SCFD2: variants seen among roughly 807,000 people sequenced by gnomAD.
The protein encoded by SCFD2 is sec1 family domain containing 2, also known as sec1 family domain-containing protein 2.
Under a neutral mutation model 58.9 loss-of-function variants are expected in SCFD2, and 54 were observed. The ratio of observed to expected loss-of-function variants is 0.92; its 90% CI spans 0.74 to 1.15. The LOEUF is 1.15. Among genes scored for constraint, SCFD2 ranks in the 50% most tolerant of loss-of-function variants. The probability of loss-of-function intolerance (pLI) is 0.00; values close to 1 mark genes in which losing one functional copy is unlikely to be tolerated. For synonymous variants in SCFD2, 321 were observed against 335.9 expected, an observed-to-expected ratio of 0.96 and a Z score of 0.49; for missense variants, 805 against 836.6, an observed-to-expected ratio of 0.96 and a Z score of 0.47.
At chr4:53,357,762 T>G (rs1734441883) in intron 1 of SCFD2, among the ~76,000 whole-genome samples, 1 of 152,202 alleles carries the variant, frequency 6.6e-6, no homozygotes, top group Non-Finnish European at 1.5e-5. Flanking sequence ...TTCTGAGCAC[T>G]AAAGCAGCAC....
At chr4:53,055,012 T>C (rs954169434) in intron 5 of SCFD2, among the ~76,000 whole-genome samples, 6 of 152,080 alleles carry the variant, frequency 3.9e-5, no homozygotes, top group Non-Finnish European at 8.8e-5. Context: ...ATAACAATAA[T>C]GAAGGAGTTT....
chr4:52,945,486 T>C (rs576593621), intron 5 of SCFD2, among the ~76,000 whole-genome samples: 11 of 152,332 alleles, frequency 7.2e-5, no homozygotes, highest in African/African-American at 2.6e-4. Context: ...ATCCTTGTCA[T>C]GGCAATGAGT....
intron 4 of SCFD2, among the ~76,000 whole-genome samples, chr4:53,187,467 C>T (rs1727771344): frequency 6.6e-6 from 1 of 151,976 alleles, no homozygotes; most frequent in Admixed American, 6.6e-5. Context: ...GAAATTGAGG[C>T]ATTTATACCA....
At chr4:53,301,827 A>G (rs994948968) in intron 3 of SCFD2, among the ~76,000 whole-genome samples, 27 of 152,214 alleles carry the variant, frequency 1.8e-4, no homozygotes, top group Admixed American at 5.9e-4. Flanking sequence ...AATCCAGCAC[A>G]TAAACAGAAC....
chr4:53,011,260 T>TC lies in SCFD2; in HGVS notation c.1562-90391dup, dbSNP rs539441325. 3.7e-3 allele frequency among the ~76,000 whole-genome samples: 565 copies of TC among 152,124 alleles called. 2 individuals carry two copies. The highest frequency in any genetic ancestry group is 0.013 in the African/African-American group (532 of 41,476). On this transcript the variant is annotated intron_variant, in intron 5 of 8. Transcript: ENST00000401642. Reference sequence around the variant, plus strand: ...ATTTCACTGCATCTTTGCTTTTTTTTCCCCCCCAAAGAAGTCATTCAGGTT... The same window carrying TC: ...ATTTCACTGCATCTTTGCTTTTTTTTCCCCCCCCAAAGAAGTCATTCAGGTT...
rs1482813604 is a variant in SCFD2 at position 53,108,477 on chromosome 4, T to G, written c.1561+36856A>C. Among the ~76,000 whole-genome samples, 3 of 151,734 alleles carry G rather than the reference T, an allele frequency of 2.0e-5. No homozygotes were observed. The East Asian group carries it at 5.8e-4, about 29-fold the overall frequency. On this transcript the variant is annotated intron_variant, in intron 5 of 8. Coordinates refer to ENST00000401642, the MANE Select transcript of SCFD2 (RefSeq NM_152540.4). ...AAAATAGATAAGTGACTAGTCAGAC[T>G]AATAAAGAAGAAAAGAGAGAAGAAT...
chr4:52,899,126 A>G (rs866136860), intron 7 of SCFD2, among the ~76,000 whole-genome samples: 22 of 152,324 alleles, frequency 1.4e-4, no homozygotes, highest in Middle Eastern at 6.8e-3. Flanking sequence ...GTACCTTTTA[A>G]TTGGAGCATG....
chr4:53,286,425 G>T (rs1265866090), intron 3 of SCFD2, among the ~76,000 whole-genome samples: 1 of 152,086 alleles, frequency 6.6e-6, no homozygotes, highest in African/African-American at 2.4e-5. Context: ...CCAGACTTCA[G>T]AGAAACCACA....
chr4:53,248,824 C>G (rs1195841468), intron 4 of SCFD2, among the ~76,000 whole-genome samples: 7 of 152,262 alleles, frequency 4.6e-5, no homozygotes, highest in African/African-American at 1.7e-4. Context: ...TCATCAAAGA[C>G]CAAAAGTAGA....
Position 53,049,442 on chromosome 4 carries a change from A to G in SCFD2, c.1561+95891T>C, listed in dbSNP as rs140560118. ...CTGTGCTATGCACTCTTCATAACCT[A>G]TATTAACTTATTTAGTCGTCACAAC... On this transcript the variant is annotated intron_variant, in intron 5 of 8. Coordinates refer to ENST00000401642, the MANE Select transcript of SCFD2 (RefSeq NM_152540.4). Among the ~76,000 whole-genome samples the G allele has an allele frequency of 3.4e-3, 515 of 152,324 alleles. 1 individual carries two copies. Among genetic ancestry groups the G allele is most frequent in the African/African-American group, 0.012 (482 of 41,570 alleles).
intron 5 of SCFD2, among the ~76,000 whole-genome samples, chr4:53,053,949 T>C (rs1230073049): frequency 6.6e-6 from 1 of 152,174 alleles, no homozygotes; most frequent in Admixed American, 6.5e-5. Context: ...AGAATTAGAA[T>C]TATTCTTTGT....
intron 5 of SCFD2, among the ~76,000 whole-genome samples, chr4:53,045,079 A>G (rs1723005688): frequency 6.6e-6 from 1 of 152,188 alleles, no homozygotes; most frequent in Admixed American, 6.5e-5. Flanking sequence ...GGAGAATAGC[A>G]ATATTGCCCT....
intron 5 of SCFD2, among the ~76,000 whole-genome samples, chr4:52,971,063 G>T (rs1415642472): frequency 6.6e-6 from 1 of 152,112 alleles, no homozygotes; most frequent in Non-Finnish European, 1.5e-5. Context: ...CACAAAGATG[G>T]GGAAAAACTA....
At chr4:53,177,708 G>A (rs2898961) in intron 4 of SCFD2, among the ~76,000 whole-genome samples, 31,686 of 152,126 alleles carry the variant, frequency 0.21, 3,705 homozygotes, top group Non-Finnish European at 0.28. Context: ...CCAAGGCATC[G>A]CCTCATCCGG....
intron 5 of SCFD2, among the ~76,000 whole-genome samples, chr4:52,973,496 A>G (rs1334709284): frequency 6.6e-6 from 1 of 152,232 alleles, no homozygotes; most frequent in Non-Finnish European, 1.5e-5. Context: ...GAATAGACCA[A>G]TAACAGGCTC....
At chr4:52,887,995 C>T (rs1251578816) in intron 7 of SCFD2, among the ~76,000 whole-genome samples, 1 of 148,308 alleles carries the variant, frequency 6.7e-6, no homozygotes, top group African/African-American at 2.5e-5. Flanking sequence ...ACTGCAAGCT[C>T]CGCTTCCCGG....
At chr4:53,293,921 C>T (rs1215331100) in intron 3 of SCFD2, among the ~76,000 whole-genome samples, 1 of 151,518 alleles carries the variant, frequency 6.6e-6, no homozygotes, top group African/African-American at 2.4e-5. Context: ...TGATGTTCCC[C>T]TCCCTGTGTC....
At chr4:53,227,549 TGA>T (rs772512180) in intron 4 of SCFD2, among the ~76,000 whole-genome samples, 11 of 152,196 alleles carry the variant, frequency 7.2e-5, no homozygotes, top group Non-Finnish European at 1.2e-4. Context: ...AGTCTTTGCA[TGA>T]ATTTAAAAAC....
chr4:53,099,469 T>G (rs1724766476), intron 5 of SCFD2, among the ~76,000 whole-genome samples: 1 of 152,194 alleles, frequency 6.6e-6, no homozygotes, highest in Non-Finnish European at 1.5e-5. Flanking sequence ...CTGGGTAATT[T>G]ATCAAGAAAA....
Sources: allele counts gnomAD v4.1 joint callset (sites outside exome capture counted in the v4.1 genomes callset), GRCh38; gene constraint gnomAD v4.1.1; transcripts MANE v1.5; gene names NCBI Gene and HGNC (gene_info 2026-07-23, HGNC 2026-07-21).